LINGO2: variants seen among roughly 807,000 people sequenced by gnomAD.
LINGO2 encodes the protein leucine-rich repeat and immunoglobulin-like domain-containing nogo receptor-interacting protein 2.
LINGO2 carries 14 observed loss-of-function variants against 30.6 expected under a neutral mutation model. The observed-to-expected ratio is 0.46, with a 90% confidence interval of 0.30 to 0.72. LINGO2 has a LOEUF of 0.72. Among genes scored for constraint, LINGO2 ranks in the 30% least tolerant of loss-of-function variants. The pLI is 0.07. For synonymous variants in LINGO2, 317 were observed against 288.5 expected (o/e 1.10, Z -1.00); for missense variants, 729 against 751.7 (o/e 0.97, Z 0.35).
intron 5 of LINGO2, among the ~76,000 whole-genome samples, chr9:27,982,845 C>G (rs1283775795): frequency 1.3e-5 from 2 of 151,668 alleles, no homozygotes; most frequent in Non-Finnish European, 2.9e-5. Flanking sequence ...ATAATATCAA[C>G]CCTACACAAT....
intron 2 of LINGO2, among the ~76,000 whole-genome samples, chr9:28,461,064 T>A (rs1825061312): frequency 6.6e-6 from 1 of 152,138 alleles, no homozygotes; most frequent in Admixed American, 6.6e-5. Flanking sequence ...TTCTTTATCA[T>A]CATAGTCTTT....
intron 5 of LINGO2, among the ~76,000 whole-genome samples, chr9:28,002,076 T>C (rs924510573): frequency 6.6e-5 from 10 of 152,210 alleles, no homozygotes; most frequent in Non-Finnish European, 5.9e-5. Context: ...AGCACTCAGA[T>C]AGGCTAAACC....
chr9:28,349,812 C>T (rs1217740316), intron 3 of LINGO2, among the ~76,000 whole-genome samples: 1 of 151,892 alleles, frequency 6.6e-6, no homozygotes, highest in Non-Finnish European at 1.5e-5. Context: ...CGGCAGAAAC[C>T]CTACAAGCCA....
the LINGO2 span, among the ~76,000 whole-genome samples, chr9:29,108,344 T>A: frequency 6.6e-6 from 1 of 152,108 alleles, no homozygotes; most frequent in Non-Finnish European, 1.5e-5. Context: ...GTTATAAAAG[T>A]AAGCATGTTC....
At chr9:28,215,616 TA>T (rs947398146) in intron 4 of LINGO2, among the ~76,000 whole-genome samples, 2 of 150,566 alleles carry the variant, frequency 1.3e-5, no homozygotes, top group African/African-American at 2.4e-5. Flanking sequence ...ATAAATTCAG[TA>T]AAAAAAAATG....
the LINGO2 span, among the ~76,000 whole-genome samples, chr9:28,690,827 G>A: frequency 1.1e-4 from 16 of 152,050 alleles, no homozygotes; most frequent in Non-Finnish European, 1.9e-4. Context: ...AAGATTAATA[G>A]ACCAAAATAG....
chr9:28,993,155 T>C, the LINGO2 span, among the ~76,000 whole-genome samples: 6 of 151,722 alleles, frequency 4.0e-5, no homozygotes, highest in Admixed American at 3.3e-4. Flanking sequence ...AAGAATCAAA[T>C]AGACACAATA....
the LINGO2 span, among the ~76,000 whole-genome samples, chr9:28,733,219 TA>T: frequency 1.1e-4 from 16 of 150,716 alleles, no homozygotes; most frequent in Non-Finnish European, 1.8e-4. Flanking sequence ...TGGAGGGGGG[TA>T]AAAAAAAAGG....
At chr9:28,865,180 C>G in the LINGO2 span, among the ~76,000 whole-genome samples, 3 of 152,068 alleles carry the variant, frequency 2.0e-5, no homozygotes, top group Non-Finnish European at 4.4e-5. Context: ...TTTTGGTATA[C>G]TATAGCTGAA....
chr9:28,752,974 C>A, the LINGO2 span, among the ~76,000 whole-genome samples: 1 of 151,984 alleles, frequency 6.6e-6, no homozygotes, highest in Non-Finnish European at 1.5e-5. Flanking sequence ...AGGTACCCAG[C>A]GAATGGGACA....
chr9:28,608,372 A>C (rs1049757761), intron 1 of LINGO2, among the ~76,000 whole-genome samples: 1 of 152,026 alleles, frequency 6.6e-6, no homozygotes, highest in African/African-American at 2.4e-5. Flanking sequence ...TTTGAACTTA[A>C]GATTGAATGC....
chr9:28,262,596 C>A (rs1416972550), intron 4 of LINGO2, among the ~76,000 whole-genome samples: 1 of 151,808 alleles, frequency 6.6e-6, no homozygotes, highest in African/African-American at 2.4e-5. Flanking sequence ...TAAGTTAACA[C>A]AGTATATGTG....
intron 1 of LINGO2, among the ~76,000 whole-genome samples, chr9:28,580,910 T>C (rs1196804405): frequency 4.0e-5 from 6 of 151,848 alleles, no homozygotes; most frequent in Admixed American, 3.3e-4. Context: ...GTTGAACCTT[T>C]AAAAAAATAA....
the LINGO2 span, among the ~76,000 whole-genome samples, chr9:29,047,012 C>T: frequency 4.4e-4 from 1 of 2,284 alleles, no homozygotes; most frequent in Non-Finnish European, 2.7e-3. Context: ...CCGGGCACTC[C>T]ACCCTGGGCA....
the LINGO2 span, among the ~76,000 whole-genome samples, chr9:29,168,262 GA>G: frequency 3.4e-5 from 5 of 146,874 alleles, no homozygotes; most frequent in East Asian, 2.0e-4. Context: ...GCTAATATAA[GA>G]AAAAAAAAAC....
rs560178842 is a variant in LINGO2 at position 28,041,217 on chromosome 9, G to A, written c.-86-28812C>T. On this transcript the variant is annotated intron_variant, in intron 4 of 5. Coordinates refer to ENST00000379992, the Ensembl canonical transcript of LINGO2. The stretch of plus-strand genomic sequence containing the variant: ...GCACCTCATAAACTGTTTTCTCAGA[G>A]TTATGAGGTGGAAGAGGTCAGCACA... Among the ~76,000 whole-genome samples, 4 of 152,280 alleles carry A rather than the reference G, an allele frequency of 2.6e-5. No individual in the cohort carries two copies. The South Asian group carries it at 8.3e-4, about 32-fold the overall frequency.
intron 4 of LINGO2, among the ~76,000 whole-genome samples, chr9:28,189,665 AAGGG>A (rs1564029438): frequency 0.016 from 268 of 16,848 alleles, 18 homozygotes; most frequent in East Asian, 0.025. Context: ...GGAAGGAAGG[AAGGG>A]AGGAAGGAAG....
At chr9:28,401,065 G>A (rs534793628) in intron 2 of LINGO2, among the ~76,000 whole-genome samples, 1 of 152,078 alleles carries the variant, frequency 6.6e-6, no homozygotes, top group East Asian at 1.9e-4. Context: ...TATGTACAAT[G>A]TTTATATATG....
intron 4 of LINGO2, among the ~76,000 whole-genome samples, chr9:28,250,794 C>T (rs1424939862): frequency 6.6e-6 from 1 of 152,288 alleles, no homozygotes; most frequent in East Asian, 1.9e-4. Flanking sequence ...GGCACGCTTC[C>T]CACTCCCTAT....
Sources: allele counts gnomAD v4.1 joint callset (sites outside exome capture counted in the v4.1 genomes callset), GRCh38; gene constraint gnomAD v4.1.1; transcripts MANE v1.5; gene names NCBI Gene and HGNC (gene_info 2026-07-23, HGNC 2026-07-21).